RBPMS: variants seen among roughly 807,000 people sequenced by gnomAD.
RBPMS encodes RNA-binding protein with multiple splicing.
In RBPMS, 7 loss-of-function variants were observed where a neutral mutation model predicts 26.8. The observed-to-expected ratio is 0.26, with a 90% CI of 0.15 to 0.49. The LOEUF is 0.49. Ranked by LOEUF, RBPMS falls within the 20% of genes least tolerant of loss-of-function variation. The pLI, the probability that RBPMS is intolerant of heterozygous loss-of-function variation, is 0.98. For missense variants in RBPMS, 186 were observed against 250.0 expected (o/e 0.74, Z 1.73); for synonymous variants, 96 against 93.3 (o/e 1.03, Z -0.17).
chr8:30,473,090 G>T (rs1585584367), intron 1 of RBPMS, among the ~76,000 whole-genome samples: 4 of 152,310 alleles, frequency 2.6e-5, no homozygotes, highest in African/African-American at 9.6e-5. Context: ...AAAATATGAT[G>T]ATAATTCAGT....
At chr8:30,516,945 G>A (rs575857203) in intron 5 of RBPMS, among the ~76,000 whole-genome samples, 2 of 117,342 alleles carry the variant, frequency 1.7e-5, no homozygotes, top group East Asian at 3.2e-4. Flanking sequence ...TTTTCCTCAT[G>A]TGAATTGATT....
At chr8:30,443,886 C>T (rs556438820) in intron 1 of RBPMS, among the ~76,000 whole-genome samples, 2 of 151,854 alleles carry the variant, frequency 1.3e-5, no homozygotes, top group South Asian at 2.1e-4. Context: ...TGAGCCACCG[C>T]GCCCAGCCTC....
At chr8:30,497,009 T>C (rs1449595044) in intron 4 of RBPMS, among the ~76,000 whole-genome samples, 1 of 152,244 alleles carries the variant, frequency 6.6e-6, no homozygotes, top group Admixed American at 6.5e-5. Flanking sequence ...AAAAACTAAA[T>C]ATATTTTAAC....
intron 5 of RBPMS, among the ~76,000 whole-genome samples, chr8:30,537,101 G>A (rs1159456153): frequency 6.6e-6 from 1 of 152,194 alleles, no homozygotes; most frequent in Non-Finnish European, 1.5e-5. Flanking sequence ...CCCATGTGAT[G>A]AGTAAGAGTA....
At chr8:30,461,241 A>G (rs1008473593) in intron 1 of RBPMS, among the ~76,000 whole-genome samples, 21 of 152,226 alleles carry the variant, frequency 1.4e-4, no homozygotes, top group African/African-American at 5.1e-4. Flanking sequence ...GATTTATATA[A>G]TCTAAATAGG....
rs927741886 is a variant in RBPMS, at chr8:30,571,147, T to A, written c.*622T>A. On this transcript the variant is annotated 3_prime_UTR_variant, in exon 9 of 9. Coordinates refer to ENST00000397323, the MANE Select transcript of RBPMS (RefSeq NM_001008710.3). ...GAAACAGAACTGTTATTTGCAGTGT[T>A]AGGTCTAGGATCCCAGTTCTAGTAG... is the stretch of plus-strand genomic sequence containing the variant. 6.6e-6 allele frequency: 1 copy of A among 152,242 alleles called. No individual in the cohort carries two copies. The highest frequency in any genetic ancestry group is 2.4e-5 in the African/African-American group (1 of 41,466). The allele number at this position is 152,242 out of a possible 1,614,324, so 9.4% of individuals were successfully genotyped here.
chr8:30,547,204 T>C (rs1825940256), intron 6 of RBPMS: 4 of 911,158 alleles, frequency 4.4e-6, no homozygotes, highest in Non-Finnish European at 5.2e-6. Context: ...GGAAATCTTA[T>C]AATGTCTTTG....
At chr8:30,410,757 A>G (rs995404428) in intron 1 of RBPMS, among the ~76,000 whole-genome samples, 1 of 140,468 alleles carries the variant, frequency 7.1e-6, no homozygotes, top group Non-Finnish European at 1.5e-5. Context: ...TTTTTTAGAG[A>G]CAAGATCTCA....
intron 4 of RBPMS, among the ~76,000 whole-genome samples, chr8:30,499,126 A>G (rs961936080): frequency 1.3e-5 from 2 of 152,150 alleles, no homozygotes; most frequent in East Asian, 3.9e-4. Flanking sequence ...TACACTGTAT[A>G]TAAAAGGAGC....
chr8:30,513,433 C>CA (rs1821937965), intron 5 of RBPMS, among the ~76,000 whole-genome samples: 1 of 151,470 alleles, frequency 6.6e-6, no homozygotes, highest in South Asian at 2.1e-4. Flanking sequence ...ACTAAAAATA[C>CA]AAAAAATTAG....
chr8:30,442,254 C>T (rs1457435596), intron 1 of RBPMS, among the ~76,000 whole-genome samples: 1 of 152,180 alleles, frequency 6.6e-6, no homozygotes, highest in African/African-American at 2.4e-5. Flanking sequence ...GATGTTCCCT[C>T]TGGTGATACA....
intron 1 of RBPMS, among the ~76,000 whole-genome samples, chr8:30,474,543 A>AG (rs2150827463): frequency 6.6e-6 from 1 of 152,334 alleles, no homozygotes; most frequent in East Asian, 1.9e-4. Flanking sequence ...GTGTTGGCTT[A>AG]GGGGATGTAC....
At chr8:30,557,705 G>A (rs1318566327) in intron 6 of RBPMS, among the ~76,000 whole-genome samples, 3 of 152,208 alleles carry the variant, frequency 2.0e-5, no homozygotes, top group Non-Finnish European at 4.4e-5. Flanking sequence ...TCCACTCCCA[G>A]CAGCACTTCT....
At chr8:30,493,398 A>G (rs1819601920) in intron 4 of RBPMS, among the ~76,000 whole-genome samples, 1 of 152,224 alleles carries the variant, frequency 6.6e-6, no homozygotes, top group South Asian at 2.1e-4. Flanking sequence ...CAGGAGAGGA[A>G]AAGGCAGTAA....
At chr8:30,487,811 T>C (rs1818951674) in intron 4 of RBPMS, among the ~76,000 whole-genome samples, 2 of 152,034 alleles carry the variant, frequency 1.3e-5, no homozygotes, top group African/African-American at 4.8e-5. Context: ...TATAGAAAAA[T>C]ACACCGTGAA....
intron 1 of RBPMS, among the ~76,000 whole-genome samples, chr8:30,434,344 G>A (rs114255530): frequency 1.1e-4 from 16 of 152,100 alleles, no homozygotes; most frequent in African/African-American, 3.1e-4. Context: ...TGGGAGAGTG[G>A]GGGTAGGGGA....
intron 1 of RBPMS, among the ~76,000 whole-genome samples, chr8:30,440,160 A>T (rs1355382365): frequency 6.6e-6 from 1 of 152,136 alleles, no homozygotes; most frequent in Non-Finnish European, 1.5e-5. Context: ...CGGGTGTCAA[A>T]CTTGTGGCCT....
At chr8:30,417,543 A>G (rs1039964324) in intron 1 of RBPMS, among the ~76,000 whole-genome samples, 1 of 152,178 alleles carries the variant, frequency 6.6e-6, no homozygotes, top group Non-Finnish European at 1.5e-5. Flanking sequence ...AAACATGTAA[A>G]AGTATGGAAG....
At chr8:30,543,507 C>G (rs1825601934) in intron 5 of RBPMS, among the ~76,000 whole-genome samples, 1 of 152,192 alleles carries the variant, frequency 6.6e-6, no homozygotes, top group Non-Finnish European at 1.5e-5. Context: ...CTTTTGCTGA[C>G]TCCCGTGTTA....
Sources: gnomAD v4.1 joint callset for allele counts (sites outside exome capture counted in the v4.1 genomes callset) on GRCh38, gnomAD v4.1.1 for gene constraint, MANE v1.5 for transcripts, NCBI Gene and HGNC (gene_info 2026-07-23, HGNC 2026-07-21) for gene names.